FLRT2: variants seen among roughly 807,000 people sequenced by gnomAD.
The protein encoded by FLRT2 is leucine-rich repeat transmembrane protein FLRT2.
Under a neutral mutation model 40.0 loss-of-function variants are expected in FLRT2, and 15 were observed. That is an observed-to-expected ratio of 0.38 (90% CI 0.25 to 0.58). The LOEUF (loss-of-function observed/expected upper bound fraction) is 0.58, where lower values mean the gene tolerates loss of function less well. FLRT2 is among the 20% of genes least tolerant of loss of function. The pLI, the probability that FLRT2 is intolerant of heterozygous loss-of-function variation, is 0.71. For synonymous variants in FLRT2, 380 were observed against 336.8 expected, an observed-to-expected ratio of 1.13 and a Z score of -1.41; for missense variants, 726 against 840.0, an observed-to-expected ratio of 0.86 and a Z score of 1.68.
intron 1 of FLRT2, among the ~76,000 whole-genome samples, chr14:85,606,390 G>T (rs552502180): frequency 6.6e-6 from 1 of 152,038 alleles, no homozygotes; most frequent in African/African-American, 2.4e-5. Context: ...AACACTTGAC[G>T]TCCCAGTTTC....
At chr14:85,550,819 A>G (rs1889575828) in intron 1 of FLRT2, among the ~76,000 whole-genome samples, 1 of 152,214 alleles carries the variant, frequency 6.6e-6, no homozygotes, top group African/African-American at 2.4e-5. Context: ...TCCTTGTCTA[A>G]CACACGTTGA....
rs1893666504 is a variant in FLRT2 at position 85,625,964 on chromosome 14, T to C, written c.*2467T>C. On this transcript the variant is annotated 3_prime_UTR_variant, in exon 2 of 2. Transcript: ENST00000330753. ...GTCATTTCTTATGGGGTTCACAGAATTATTTGGGGCTTAAATGGTACAATG... is the reference window on the plus strand; with the variant it reads ...GTCATTTCTTATGGGGTTCACAGAACTATTTGGGGCTTAAATGGTACAATG... The C allele has an allele frequency of 6.0e-6, 1 of 167,074 alleles. No homozygotes were observed. The highest frequency in any genetic ancestry group is 1.5e-5 in the Non-Finnish European group (1 of 68,122). 10.3% of individuals were successfully genotyped at this position (167,074 alleles called of 1,614,324 possible). A position where few individuals can be genotyped will look rare whatever the true frequency, so the allele number is the denominator to read the frequency against.
chr14:85,542,071 G>A (rs1039985897), intron 1 of FLRT2, among the ~76,000 whole-genome samples: 16 of 152,094 alleles, frequency 1.1e-4, no homozygotes, highest in African/African-American at 3.6e-4. Flanking sequence ...GCTTGCTTAA[G>A]GCTTATTCTA....
At chr14:85,567,475 C>T (rs1046451264) in intron 1 of FLRT2, among the ~76,000 whole-genome samples, 14 of 152,174 alleles carry the variant, frequency 9.2e-5, no homozygotes, top group African/African-American at 3.4e-4. Context: ...TTAGCTCTGC[C>T]ACTTCTTCAG....
rs957463206 is a variant in FLRT2 at position 85,623,804 on chromosome 14, G to A, written c.*307G>A. 1.2e-5 allele frequency: 3 copies of A among 260,686 alleles called. No homozygotes were observed. Among genetic ancestry groups the A allele is most frequent in the Admixed American group, 5.5e-5 (1 of 18,058 alleles). The allele number at this position is 260,686 out of a possible 1,614,324, so 16.1% of individuals were successfully genotyped here. On this transcript the variant is annotated 3_prime_UTR_variant, in exon 2 of 2. Coordinates refer to ENST00000330753, the MANE Select transcript of FLRT2 (RefSeq NM_013231.6). ...CCCAATGCCAAGGCAAAAAGAACGAGTGATTTTTCCTTAGGATACACATCA... is the reference window on the plus strand; with the variant it reads ...CCCAATGCCAAGGCAAAAAGAACGAATGATTTTTCCTTAGGATACACATCA...
In FLRT2 at chr14:85,556,962, G is replaced by A. The variant is rs909946923; in HGVS notation, c.-377+26428G>A. ...CAAAAGGCACTTCTTACATGGCAGC[G>A]GCAAGAGAAAATGAGGAAGACCCAG... On this transcript the variant is annotated intron_variant, in intron 1 of 1. Coordinates refer to ENST00000330753, the MANE Select transcript of FLRT2 (RefSeq NM_013231.6). Among the ~76,000 whole-genome samples, 9 of 152,076 alleles carry A rather than the reference G, an allele frequency of 5.9e-5. 1 individual carries two copies. The highest frequency in any genetic ancestry group is 3.9e-4 in the East Asian group (2 of 5,178).
chr14:85,564,605 G>A (rs9323764), intron 1 of FLRT2, among the ~76,000 whole-genome samples: 122,612 of 152,168 alleles, frequency 0.81, 49,606 homozygotes, highest in African/African-American at 0.82. Context: ...GAGGCTCTCA[G>A]ATAACATCAA....
intron 1 of FLRT2, among the ~76,000 whole-genome samples, chr14:85,534,200 T>A (rs746890279): frequency 1.3e-5 from 2 of 152,154 alleles, no homozygotes; most frequent in Non-Finnish European, 2.9e-5. Context: ...CAGGAGTGGG[T>A]GAGAACCCTC....
At position 85,623,514 on chromosome 14, in the gene FLRT2, G is replaced by A. The variant is rs1893528298; in HGVS notation, c.*17G>A. 3.5e-6 allele frequency: 5 copies of A among 1,418,172 alleles called. No homozygotes were observed. Among genetic ancestry groups the A allele is most frequent in the Admixed American group, 2.7e-5 (1 of 36,940 alleles). 87.8% of individuals were successfully genotyped at this position (1,418,172 alleles called of 1,614,324 possible). A position where few individuals can be genotyped will look rare whatever the true frequency, so the allele number is the denominator to read the frequency against. ...CATACGTGACAGCCAGAGGCCCAGC[G>A]TTATCAAGGCGGACAATTAGACTCT... On this transcript the variant is annotated 3_prime_UTR_variant, in exon 2 of 2. Coordinates refer to ENST00000330753, the MANE Select transcript of FLRT2 (RefSeq NM_013231.6).
At position 85,648,832 on chromosome 14, in the gene FLRT2, TC is replaced by T; in HGVS notation, c.*25337del. ...GCCTGCCTCCCATTAAGTTATAAGA[TC>T]CAGGAATTTAATAATTTATTTTGAT... is the stretch of plus-strand genomic sequence containing the variant. On this transcript the variant is annotated 3_prime_UTR_variant, in exon 2 of 2. Coordinates refer to ENST00000330753, the MANE Select transcript of FLRT2 (RefSeq NM_013231.6). The T allele has an allele frequency of 6.6e-6, 1 of 152,126 alleles. No individual in the cohort carries two copies. Among genetic ancestry groups the T allele is most frequent in the South Asian group, 2.1e-4 (1 of 4,832 alleles). 9.4% of individuals were successfully genotyped at this position (152,126 alleles called of 1,614,324 possible).
intron 1 of FLRT2, among the ~76,000 whole-genome samples, chr14:85,558,540 G>A (rs1230546493): frequency 1.8e-4 from 28 of 152,096 alleles, no homozygotes; most frequent in Admixed American, 1.8e-3. Context: ...AGAGACATGA[G>A]GAGAATTGAA....
chr14:85,651,077 T>C lies in FLRT2; in HGVS notation c.*27580T>C, dbSNP rs1000050082. On this transcript the variant is annotated 3_prime_UTR_variant, in exon 2 of 2. Coordinates refer to ENST00000330753, the MANE Select transcript of FLRT2 (RefSeq NM_013231.6). ...ACTAATTTAGCTGCCTCCCTCAATC[T>C]TTTATATGTAATTTTAAGTTAATAT... is the stretch of plus-strand genomic sequence containing the variant. 1.3e-5 allele frequency: 2 copies of C among 152,130 alleles called. No homozygotes were observed. Among genetic ancestry groups the C allele is most frequent in the African/African-American group, 4.8e-5 (2 of 41,448 alleles). The allele number at this position is 152,130 out of a possible 1,614,324, so 9.4% of individuals were successfully genotyped here. A position where few individuals can be genotyped will look rare whatever the true frequency, so the allele number is the denominator to read the frequency against.
intron 1 of FLRT2, among the ~76,000 whole-genome samples, chr14:85,610,854 G>A (rs1160465277): frequency 6.6e-6 from 1 of 152,110 alleles, no homozygotes; most frequent in East Asian, 1.9e-4. Flanking sequence ...TCATGACGTT[G>A]CTTACAATTT....
intron 1 of FLRT2, among the ~76,000 whole-genome samples, chr14:85,553,390 A>G (rs1175498565): frequency 2.0e-5 from 3 of 152,128 alleles, no homozygotes; most frequent in Non-Finnish European, 2.9e-5. Context: ...AGGGTGTCCA[A>G]TCTTTTGGCT....
intron 1 of FLRT2, among the ~76,000 whole-genome samples, chr14:85,615,618 A>T (rs748940810): frequency 1.1e-5 from 1 of 92,806 alleles, no homozygotes; most frequent in Non-Finnish European, 2.3e-5. Context: ...AAATGGTTTC[A>T]GGCTACGGGG....
At chr14:85,559,322 A>T (rs1221386033) in intron 1 of FLRT2, 1 of 152,228 alleles carries the variant, frequency 6.6e-6, no homozygotes, top group Non-Finnish European at 1.5e-5. Context: ...GGCCCCTGGG[A>T]AGACTCCAGG....
At position 85,638,389 on chromosome 14, in the gene FLRT2, T is replaced by C. The variant is rs1223312266; in HGVS notation, c.*14892T>C. On this transcript the variant is annotated 3_prime_UTR_variant, in exon 2 of 2. Transcript: ENST00000330753. The stretch of plus-strand genomic sequence containing the variant: ...ATATTGGGGTAGGAAGTCTTAGACA[T>C]CTTACTCCAGCTCAGATCAGCTCTG... The C allele has an allele frequency of 6.6e-6, 1 of 152,202 alleles. No homozygotes were observed. Among genetic ancestry groups the C allele is most frequent in the Non-Finnish European group, 1.5e-5 (1 of 68,070 alleles). The allele number at this position is 152,202 out of a possible 1,614,324, so 9.4% of individuals were successfully genotyped here. A position where few individuals can be genotyped will look rare whatever the true frequency, so the allele number is the denominator to read the frequency against.
chr14:85,583,983 G>A (rs1053230557), intron 1 of FLRT2, among the ~76,000 whole-genome samples: 60 of 151,258 alleles, frequency 4.0e-4, no homozygotes, highest in Non-Finnish European at 7.2e-4. Context: ...AAAAAGACTA[G>A]GTAGTGATTG....
Position 85,645,495 on chromosome 14 carries a change from T to C in FLRT2, c.*21998T>C, listed in dbSNP as rs1375445119. 6.6e-6 allele frequency: 1 copy of C among 152,100 alleles called. No homozygotes were observed. Among genetic ancestry groups the C allele is most frequent in the East Asian group, 1.9e-4 (1 of 5,170 alleles). 9.4% of individuals were successfully genotyped at this position (152,100 alleles called of 1,614,324 possible). A position where few individuals can be genotyped will look rare whatever the true frequency, so the allele number is the denominator to read the frequency against. On this transcript the variant is annotated 3_prime_UTR_variant, in exon 2 of 2. Coordinates refer to ENST00000330753, the MANE Select transcript of FLRT2 (RefSeq NM_013231.6). ...ACTTCCAAGTGAGCAGGTCTTTGAA[T>C]GGTACATCTATTTGTTCACTCTGCT...
Sources: gnomAD v4.1 joint callset for allele counts (sites outside exome capture counted in the v4.1 genomes callset) on GRCh38, gnomAD v4.1.1 for gene constraint, MANE v1.5 for transcripts, NCBI Gene and HGNC (gene_info 2026-07-23, HGNC 2026-07-21) for gene names.